Variants in ASTN2 observed in about 807,000 individuals in gnomAD.
ASTN2 encodes the protein astrotactin-2.
A neutral mutation model predicts 139.8 loss-of-function variants in ASTN2; 54 were observed. The ratio of observed to expected loss-of-function variants is 0.39; its 90% CI spans 0.31 to 0.48. The LOEUF is 0.48. Among genes scored for constraint, ASTN2 ranks in the 20% least tolerant of loss-of-function variants. ASTN2 has a pLI of 0.95. For synonymous variants in ASTN2, 756 were observed against 719.5 expected, an observed-to-expected ratio of 1.05 and a Z score of -0.81; for missense variants, 1,565 against 1,725.1, an observed-to-expected ratio of 0.91 and a Z score of 1.64.
Position 116,487,501 on chromosome 9 carries a change from C to T in ASTN2, c.3356-1G>A. 1 of 1,613,196 alleles carries T rather than the reference C, an allele frequency of 6.2e-7. No individual in the cohort carries two copies. Among genetic ancestry groups the T allele is most frequent in the Non-Finnish European group, 8.5e-7 (1 of 1,179,704 alleles). On this transcript the variant is annotated splice_acceptor_variant, in intron 19 of 22. Coordinates refer to ENST00000313400, the MANE Select transcript of ASTN2 (RefSeq NM_001365068.1). LOFTEE classifies it high-confidence loss of function. Reference sequence around the variant, plus strand: ...TCATCAGCAAAACTCAGGAATTCTCCTGGAGGGAGAAAAAGAAAGATGAGC... The same window carrying T: ...TCATCAGCAAAACTCAGGAATTCTCTTGGAGGGAGAAAAAGAAAGATGAGC...
chr9:117,003,503 C>T (rs1021756603), intron 7 of ASTN2, among the ~76,000 whole-genome samples: 1 of 62,022 alleles, frequency 1.6e-5, no homozygotes, highest in East Asian at 4.7e-4. Context: ...CTAGTGGATT[C>T]CAGTGATATT....
chr9:117,130,790 A>T (rs1368800910), intron 4 of ASTN2, among the ~76,000 whole-genome samples: 1 of 152,120 alleles, frequency 6.6e-6, no homozygotes, highest in African/African-American at 2.4e-5. Flanking sequence ...CAGAATTGAG[A>T]TTTTTCTATC....
At chr9:116,558,923 G>A (rs4837621) in intron 19 of ASTN2, among the ~76,000 whole-genome samples, 24,164 of 152,134 alleles carry the variant, frequency 0.16, 2,091 homozygotes, top group African/African-American at 0.21. Flanking sequence ...GCTCATTCTC[G>A]TTCATTTAAT....
chr9:116,714,539 T>G (rs1176771639), intron 16 of ASTN2, among the ~76,000 whole-genome samples: 1 of 152,150 alleles, frequency 6.6e-6, no homozygotes, highest in Non-Finnish European at 1.5e-5. Context: ...CATTTAAATC[T>G]CATAACAATA....
At chr9:116,951,337 CAAAAAAAAAAAAAA>C (rs386416039) in intron 10 of ASTN2, among the ~76,000 whole-genome samples, 3 of 34,060 alleles carry the variant, frequency 8.8e-5, no homozygotes, top group Non-Finnish European at 1.3e-4. Context: ...AACTCTGTCT[CAAAAAAAAAAAAAA>C]AAAAAAAAAA....
intron 13 of ASTN2, among the ~76,000 whole-genome samples, chr9:116,738,219 G>T (rs1228500743): frequency 6.6e-6 from 1 of 151,538 alleles, no homozygotes; most frequent in Admixed American, 6.6e-5. Context: ...TACATATTGG[G>T]GCCAGGAGCA....
chr9:116,505,426 A>G (rs565560425), intron 19 of ASTN2, among the ~76,000 whole-genome samples: 75 of 152,250 alleles, frequency 4.9e-4, no homozygotes, highest in African/African-American at 1.7e-3. Flanking sequence ...TTTATTTTTT[A>G]AGAAAAGCAA....
At chr9:117,244,759 GGA>G (rs1200255995) in intron 2 of ASTN2, among the ~76,000 whole-genome samples, 1 of 146,950 alleles carries the variant, frequency 6.8e-6, no homozygotes, top group Non-Finnish European at 1.5e-5. Context: ...AGGGAGGGAG[GGA>G]GAGAGGGAAG....
intron 6 of ASTN2, among the ~76,000 whole-genome samples, chr9:117,020,565 G>A (rs1837850381): frequency 6.6e-6 from 1 of 152,128 alleles, no homozygotes; most frequent in South Asian, 2.1e-4. Context: ...CCTGGAAGTA[G>A]CCTGTCCTTC....
intron 11 of ASTN2, among the ~76,000 whole-genome samples, chr9:116,834,247 T>A (rs977538314): frequency 1.3e-5 from 2 of 152,224 alleles, no homozygotes; most frequent in Non-Finnish European, 2.9e-5. Flanking sequence ...TGTAGGCACT[T>A]GAAAATAATA....
intron 10 of ASTN2, among the ~76,000 whole-genome samples, chr9:116,935,432 C>G (rs896525251): frequency 2.0e-5 from 3 of 152,152 alleles, no homozygotes; most frequent in Non-Finnish European, 2.9e-5. Context: ...GTAAAGTAAG[C>G]TATGAACCTA....
chr9:117,398,491 C>T (rs1830738036), intron 1 of ASTN2, among the ~76,000 whole-genome samples: 1 of 152,194 alleles, frequency 6.6e-6, no homozygotes, highest in African/African-American at 2.4e-5. Context: ...CTCCCCTGAT[C>T]TATCATGGAG....
chr9:117,060,480 GGAAGGAAT>G (rs1352227008), intron 5 of ASTN2, among the ~76,000 whole-genome samples: 17 of 83,418 alleles, frequency 2.0e-4, no homozygotes, highest in African/African-American at 5.5e-4. Context: ...AAGGAAGGAA[GGAAGGAAT>G]GAAAGAAAGA....
intron 16 of ASTN2, among the ~76,000 whole-genome samples, chr9:116,702,505 T>C (rs1169066793): frequency 1.3e-5 from 2 of 152,156 alleles, no homozygotes; most frequent in South Asian, 2.1e-4. Context: ...CAATTATCTG[T>C]CCATATATTT....
chr9:117,181,976 C>T (rs1485843263), intron 3 of ASTN2, among the ~76,000 whole-genome samples: 1 of 152,160 alleles, frequency 6.6e-6, no homozygotes, highest in African/African-American at 2.4e-5. Context: ...CCTTCCCCAC[C>T]CCATGCTGCC....
intron 19 of ASTN2, among the ~76,000 whole-genome samples, chr9:116,502,229 GACAC>G (rs1015203082): frequency 1.3e-5 from 2 of 151,666 alleles, no homozygotes; most frequent in Non-Finnish European, 2.9e-5. Context: ...GAGACATAGA[GACAC>G]ACAGAGAGAG....
rs115510076 is a variant in ASTN2 at position 117,129,132 on chromosome 9, A to C, written c.1168+12194T>G. On this transcript the variant is annotated intron_variant, in intron 4 of 22. Coordinates refer to ENST00000313400, the MANE Select transcript of ASTN2 (RefSeq NM_001365068.1). The stretch of plus-strand genomic sequence containing the variant: ...AGGTCAGATTTCTTTCATTGTCATA[A>C]TTTTTGTAAAGGTAATTTCAATTTG... 1.4e-3 allele frequency among the ~76,000 whole-genome samples: 219 copies of C among 152,298 alleles called. 2 individuals are homozygous for C. Among genetic ancestry groups the C allele is most frequent in the African/African-American group, 5.1e-3 (213 of 41,570 alleles).
chr9:116,470,953 G>A (rs948615437), intron 20 of ASTN2, among the ~76,000 whole-genome samples: 5 of 152,106 alleles, frequency 3.3e-5, no homozygotes, highest in African/African-American at 1.2e-4. Flanking sequence ...ACTCTAAGAC[G>A]ATGTATTGTT....
At chr9:117,322,723 G>A (rs1828372379) in intron 1 of ASTN2, among the ~76,000 whole-genome samples, 1 of 152,126 alleles carries the variant, frequency 6.6e-6, no homozygotes, top group Middle Eastern at 3.2e-3. Context: ...TTGAATCTGG[G>A]CAGTGAAGTG....
Sources: allele counts gnomAD v4.1 joint callset (sites outside exome capture counted in the v4.1 genomes callset), GRCh38; gene constraint gnomAD v4.1.1; transcripts MANE v1.5; gene names NCBI Gene and HGNC (gene_info 2026-07-23, HGNC 2026-07-21).